Variants in APBB1IP observed in about 807,000 individuals in gnomAD.
APBB1IP encodes the protein amyloid beta precursor protein binding family B member 1 interacting protein, also known as amyloid beta A4 precursor protein-binding family B member 1-interacting protein.
APBB1IP carries 27 observed loss-of-function variants against 64.9 expected under a neutral mutation model. That is an observed-to-expected ratio of 0.42 (90% confidence interval 0.31 to 0.57). APBB1IP has a LOEUF of 0.57. Ranked by LOEUF, APBB1IP falls within the 20% of genes least tolerant of loss-of-function variation. APBB1IP has a pLI of 0.20. For missense variants in APBB1IP, 812 were observed against 845.5 expected, an observed-to-expected ratio of 0.96 and a Z score of 0.49; for synonymous variants, 392 against 331.0, an observed-to-expected ratio of 1.18 and a Z score of -2.00.
intron 2 of APBB1IP, among the ~76,000 whole-genome samples, chr10:26,480,266 C>G (rs936310542): frequency 2.7e-4 from 41 of 152,260 alleles, no homozygotes; most frequent in African/African-American, 9.4e-4. Flanking sequence ...ACTCCAAGAC[C>G]TAGGAACCCT....
At chr10:26,522,018 T>C (rs1437096921) in intron 8 of APBB1IP, among the ~76,000 whole-genome samples, 1 of 152,178 alleles carries the variant, frequency 6.6e-6, no homozygotes, top group African/African-American at 2.4e-5. Context: ...CCCAAAGTGC[T>C]GATATTACAG....
chr10:26,566,999 A>G lies in APBB1IP; in HGVS notation c.1512A>G (p.Ala504=), dbSNP rs778432590. Residue 504 remains alanine, a synonymous_variant, in exon 15 of 15, where the codon GCA becomes GCG. Coordinates refer to ENST00000376236, the MANE Select transcript of APBB1IP (RefSeq NM_019043.4). ...CCCTCGGGAACCACCACGACCCGGC[A>G]GTGCCCCGGGCCCCGCACGCCCCCA... ...KPALGNHHDP[A]VPRAPHAPKS... is the part of the protein sequence containing the mutation. The G allele has an allele frequency of 7.6e-6, 12 of 1,579,550 alleles. No homozygotes were observed. Among genetic ancestry groups the G allele is most frequent in the Middle Eastern group, 4.2e-4 (2 of 4,812 alleles).
At chr10:26,449,975 C>A (rs1405184181) in intron 2 of APBB1IP, among the ~76,000 whole-genome samples, 3 of 152,026 alleles carry the variant, frequency 2.0e-5, no homozygotes, top group African/African-American at 4.8e-5. Context: ...CACTATACTC[C>A]AACCTGGGTG....
intron 3 of APBB1IP, among the ~76,000 whole-genome samples, chr10:26,493,004 C>T (rs971974419): frequency 6.6e-6 from 1 of 152,144 alleles, no homozygotes; most frequent in African/African-American, 2.4e-5. Context: ...AGGCAGACAC[C>T]CCCAGAGCGG....
chr10:26,495,955 T>A (rs948875053), intron 3 of APBB1IP, among the ~76,000 whole-genome samples: 1 of 132,244 alleles, frequency 7.6e-6, no homozygotes, highest in African/African-American at 3.5e-5. Context: ...AAATATATTT[T>A]ATATATATTT....
chr10:26,488,559 T>C (rs1016668104), intron 2 of APBB1IP, among the ~76,000 whole-genome samples: 1 of 152,140 alleles, frequency 6.6e-6, no homozygotes, highest in African/African-American at 2.4e-5. Flanking sequence ...GAAAGGAGGA[T>C]ATGATTCAGA....
chr10:26,499,466 G>T (rs1836069349), intron 4 of APBB1IP, among the ~76,000 whole-genome samples: 1 of 152,144 alleles, frequency 6.6e-6, no homozygotes, highest in African/African-American at 2.4e-5. Context: ...TTATGATGAT[G>T]ATGTCTGACA....
intron 6 of APBB1IP, among the ~76,000 whole-genome samples, chr10:26,511,242 G>A (rs1000380293): frequency 2.0e-5 from 3 of 152,110 alleles, no homozygotes; most frequent in African/African-American, 7.2e-5. Flanking sequence ...TACTAGGAAG[G>A]CTGAGACAAG....
intron 2 of APBB1IP, among the ~76,000 whole-genome samples, chr10:26,449,871 G>A (rs7907042): frequency 0.4 from 60,511 of 151,818 alleles, 12,212 homozygotes; most frequent in South Asian, 0.5. Flanking sequence ...GCCAGACATG[G>A]TGGCATTCTC....
chr10:26,483,465 C>T (rs1026533251), intron 2 of APBB1IP, among the ~76,000 whole-genome samples: 8 of 152,102 alleles, frequency 5.3e-5, no homozygotes, highest in Non-Finnish European at 5.9e-5. Flanking sequence ...ATGAGAACAC[C>T]TAATAGTTAT....
At chr10:26,566,562 A>C (rs1014099047) in intron 14 of APBB1IP, among the ~76,000 whole-genome samples, 2 of 152,172 alleles carry the variant, frequency 1.3e-5, no homozygotes, top group African/African-American at 4.8e-5. Flanking sequence ...CCAAAATATT[A>C]AAAAATTAGA....
At chr10:26,469,990 T>A (rs1160014856) in intron 2 of APBB1IP, among the ~76,000 whole-genome samples, 3 of 152,094 alleles carry the variant, frequency 2.0e-5, no homozygotes, top group Admixed American at 6.5e-5. Context: ...CCCAACCAAC[T>A]ACAACACAGG....
At chr10:26,510,600 G>T (rs1240746381) in intron 6 of APBB1IP, among the ~76,000 whole-genome samples, 1 of 152,010 alleles carries the variant, frequency 6.6e-6, no homozygotes, top group African/African-American at 2.4e-5. Flanking sequence ...GCTGGGTGTG[G>T]TGGTGCACAC....
At chr10:26,443,237 C>A (rs1835355014) in intron 2 of APBB1IP, among the ~76,000 whole-genome samples, 1 of 151,900 alleles carries the variant, frequency 6.6e-6, no homozygotes, top group African/African-American at 2.4e-5. Context: ...GCCTGACCAA[C>A]ATGGTGAAAC....
intron 2 of APBB1IP, among the ~76,000 whole-genome samples, chr10:26,471,522 G>A (rs1835714873): frequency 2.0e-5 from 3 of 152,258 alleles, no homozygotes; most frequent in South Asian, 2.1e-4. Context: ...GATTGTCACT[G>A]AAAAATCATA....
At chr10:26,538,977 G>T (rs767576858) in intron 10 of APBB1IP, among the ~76,000 whole-genome samples, 2 of 152,228 alleles carry the variant, frequency 1.3e-5, no homozygotes, top group Non-Finnish European at 2.9e-5. Flanking sequence ...AGTGGGGAAA[G>T]AATGTGGTAT....
intron 2 of APBB1IP, among the ~76,000 whole-genome samples, chr10:26,459,940 A>C (rs1835570566): frequency 1.3e-5 from 2 of 152,182 alleles, no homozygotes; most frequent in Admixed American, 6.5e-5. Context: ...ACCATTGCTA[A>C]GGTCATAATT....
intron 2 of APBB1IP, among the ~76,000 whole-genome samples, chr10:26,485,836 A>G (rs1835884314): frequency 6.6e-6 from 1 of 152,184 alleles, no homozygotes; most frequent in Non-Finnish European, 1.5e-5. Context: ...AATGATCAGT[A>G]GGATTTTATG....
intron 3 of APBB1IP, among the ~76,000 whole-genome samples, chr10:26,492,844 C>G (rs118079459): frequency 2.6e-5 from 4 of 152,118 alleles, no homozygotes; most frequent in Admixed American, 1.3e-4. Flanking sequence ...CCGCTGTGCA[C>G]GCATTGTCAT....
Sources: allele counts gnomAD v4.1 joint callset (sites outside exome capture counted in the v4.1 genomes callset), GRCh38; gene constraint gnomAD v4.1.1; transcripts MANE v1.5; gene names NCBI Gene and HGNC (gene_info 2026-07-23, HGNC 2026-07-21).